The following RBFOX3 variants were observed in gnomAD, a reference collection of about 807,000 sequenced individuals.
RBFOX3 encodes the protein RNA binding fox-1 homolog 3.
In RBFOX3, 17 loss-of-function variants were observed where a neutral mutation model predicts 48.7. The observed-to-expected ratio is 0.35, with a 90% confidence interval of 0.24 to 0.52. The LOEUF (loss-of-function observed/expected upper bound fraction) is 0.52. RBFOX3 is among the 20% of genes least tolerant of loss of function. The pLI, the probability that RBFOX3 is intolerant of heterozygous loss-of-function variation, is 0.94. For missense variants in RBFOX3, 382 were observed against 497.5 expected, an observed-to-expected ratio of 0.77 and a Z score of 2.21; for synonymous variants, 212 against 209.5, an observed-to-expected ratio of 1.01 and a Z score of -0.10.
At chr17:79,411,830 G>A (rs948578353) in intron 2 of RBFOX3, among the ~76,000 whole-genome samples, 5 of 152,244 alleles carry the variant, frequency 3.3e-5, no homozygotes, top group Non-Finnish European at 5.9e-5. Context: ...AATGAACAAT[G>A]AAGGCTCATA....
chr17:79,291,295 G>A (rs11653820), intron 3 of RBFOX3, among the ~76,000 whole-genome samples: 33,380 of 152,224 alleles, frequency 0.22, 4,569 homozygotes, highest in Non-Finnish European at 0.31. Context: ...TGGGTGTGGG[G>A]AAAAGAGCGA....
intron 3 of RBFOX3, among the ~76,000 whole-genome samples, chr17:79,271,251 T>C (rs183805784): frequency 6.6e-6 from 1 of 152,124 alleles, no homozygotes; most frequent in East Asian, 1.9e-4. Flanking sequence ...AATTTTTGTA[T>C]TTTTAGTAGA....
chr17:79,353,710 C>T (rs967817803), intron 2 of RBFOX3, among the ~76,000 whole-genome samples: 6 of 152,160 alleles, frequency 3.9e-5, no homozygotes, highest in Middle Eastern at 3.2e-3. Flanking sequence ...ATGACCTCCT[C>T]GGTCTCAGCC....
At chr17:79,276,745 G>T (rs2068938302) in intron 3 of RBFOX3, among the ~76,000 whole-genome samples, 1 of 152,136 alleles carries the variant, frequency 6.6e-6, no homozygotes, top group Non-Finnish European at 1.5e-5. Flanking sequence ...TCAAGAAACT[G>T]GAGTGTTTCT....
intron 2 of RBFOX3, among the ~76,000 whole-genome samples, chr17:79,324,468 A>G (rs2079013172): frequency 6.6e-6 from 1 of 152,220 alleles, no homozygotes; most frequent in African/African-American, 2.4e-5. Context: ...CAGTTGGCAC[A>G]CAGCCCTCCC....
At chr17:79,590,726 C>A (rs934332087) in intron 1 of RBFOX3, among the ~76,000 whole-genome samples, 11 of 152,202 alleles carry the variant, frequency 7.2e-5, no homozygotes, top group African/African-American at 2.7e-4. Flanking sequence ...CCTGCCTTCT[C>A]CCTGGATGCT....
intron 1 of RBFOX3, among the ~76,000 whole-genome samples, chr17:79,540,014 A>G (rs782650237): frequency 2.0e-4 from 30 of 152,118 alleles, no homozygotes; most frequent in Non-Finnish European, 4.0e-4. Flanking sequence ...AACCCTGGGG[A>G]CAGCAGGAGG....
chr17:79,161,656 C>T (rs756701136), intron 4 of RBFOX3, among the ~76,000 whole-genome samples: 32 of 152,116 alleles, frequency 2.1e-4, no homozygotes, highest in Non-Finnish European at 4.7e-4. Flanking sequence ...AGTGCAGTGG[C>T]GCGATCTTGT....
chr17:79,488,097 C>T (rs2079929036), intron 1 of RBFOX3, among the ~76,000 whole-genome samples: 2 of 151,976 alleles, frequency 1.3e-5, no homozygotes, highest in South Asian at 2.1e-4. Context: ...CACAGGCACC[C>T]CAAGACCCTC....
At chr17:79,572,558 G>T (rs1024327475) in intron 1 of RBFOX3, among the ~76,000 whole-genome samples, 3 of 152,128 alleles carry the variant, frequency 2.0e-5, no homozygotes, top group South Asian at 2.1e-4. Context: ...TCAACAGGGT[G>T]GGGGGAGGGA....
intron 4 of RBFOX3, among the ~76,000 whole-genome samples, chr17:79,138,743 C>T (rs1460767999): frequency 9.5e-6 from 1 of 105,000 alleles, no homozygotes; most frequent in Non-Finnish European, 1.9e-5. Context: ...GCACACAGCA[C>T]GTGTTCACAC....
rs546451127 is a variant in RBFOX3 at position 79,257,272 on chromosome 17, G to A, written c.-73-21467C>T. Among the ~76,000 whole-genome samples, 17 of 152,330 alleles carry A rather than the reference G, an allele frequency of 1.1e-4. No individual in the cohort carries two copies. In the South Asian group the frequency reaches 2.9e-3, roughly 26 times the overall value. ...GCCCCGAGCCCCGGGAGGTTTGTGC[G>A]GTTCCAGAGACACCAGCACAGGGAT... is the stretch of plus-strand genomic sequence containing the variant. On this transcript the variant is annotated intron_variant, in intron 3 of 14. Transcript: ENST00000693108.
At chr17:79,610,397 C>T (rs1169176683) in intron 1 of RBFOX3, among the ~76,000 whole-genome samples, 1 of 151,874 alleles carries the variant, frequency 6.6e-6, no homozygotes, top group Non-Finnish European at 1.5e-5. Context: ...CGCGCCTCTG[C>T]CTCCCCCCGC....
intron 2 of RBFOX3, among the ~76,000 whole-genome samples, chr17:79,419,227 C>T (rs1444840808): frequency 1.3e-5 from 2 of 152,356 alleles, no homozygotes; most frequent in Non-Finnish European, 1.5e-5. Context: ...ATCTGTCTCT[C>T]GAGTTGCTAA....
intron 1 of RBFOX3, among the ~76,000 whole-genome samples, chr17:79,584,132 T>C (rs2093165384): frequency 6.6e-6 from 1 of 152,140 alleles, no homozygotes; most frequent in Non-Finnish European, 1.5e-5. Flanking sequence ...CCAACAAGCA[T>C]ATGGAAAAAT....
intron 3 of RBFOX3, among the ~76,000 whole-genome samples, chr17:79,245,248 T>C (rs1034083379): frequency 1.3e-5 from 2 of 151,866 alleles, no homozygotes; most frequent in African/African-American, 4.8e-5. Context: ...CATTTTTGGG[T>C]TTCACCTTGT....
chr17:79,337,343 A>T (rs77076630), intron 2 of RBFOX3, among the ~76,000 whole-genome samples: 3,850 of 152,288 alleles, frequency 0.025, 177 homozygotes, highest in African/African-American at 0.088. Flanking sequence ...TATTTCCAGA[A>T]CCATCTCTCA....
the RBFOX3 span, among the ~76,000 whole-genome samples, chr17:79,623,023 CT>C: frequency 6.6e-6 from 1 of 152,124 alleles, no homozygotes; most frequent in Non-Finnish European, 1.5e-5. Context: ...AGACCCTCAG[CT>C]CCCTCCCCTA....
At position 79,242,804 on chromosome 17, in the gene RBFOX3, G is replaced by A. The variant is rs1024326030; in HGVS notation, c.-73-6999C>T. ...GCAGGGCAGGGCTTAGGGGTTATAC[G>A]CCGTGCTCAGAGCAGTTTTGCCTCC... On this transcript the variant is annotated intron_variant, in intron 3 of 14. Coordinates refer to ENST00000693108, the MANE Select transcript of RBFOX3 (RefSeq NM_001350451.2). This position sits in a 1 kb window ranked among gnomAD's most constrained non-coding sequence, Gnocchi z 5.8. Among the ~76,000 whole-genome samples, 9 of 152,126 alleles carry A rather than the reference G, an allele frequency of 5.9e-5. No individual in the cohort carries two copies. Among genetic ancestry groups the A allele is most frequent in the African/African-American group, 1.2e-4 (5 of 41,438 alleles).
Sources: allele counts gnomAD v4.1 joint callset (sites outside exome capture counted in the v4.1 genomes callset), GRCh38; gene constraint gnomAD v4.1.1; non-coding constraint Gnocchi (gnomAD v3.1); transcripts MANE v1.5; gene names NCBI Gene and HGNC (gene_info 2026-07-23, HGNC 2026-07-21).